BANP: variants seen among roughly 807,000 people sequenced by gnomAD.
BANP encodes protein BANP.
A neutral mutation model predicts 68.1 loss-of-function variants in BANP; 11 were observed. That is an observed-to-expected ratio of 0.16 (90% confidence interval 0.10 to 0.27). BANP has a LOEUF of 0.27. BANP is among the 10% of genes least tolerant of loss of function. The pLI is 1.00. For missense variants in BANP, 504 were observed against 722.7 expected (o/e 0.70, Z 3.47); for synonymous variants, 329 against 303.2 (o/e 1.09, Z -0.88).
chr16:88,023,822 C>T (rs1030404010), intron 7 of BANP, among the ~76,000 whole-genome samples: 4 of 152,176 alleles, frequency 2.6e-5, no homozygotes, highest in African/African-American at 7.2e-5. Context: ...CAGAACAGCT[C>T]GCCAGGAAAA....
chr16:87,968,359 C>G (rs1327734483), intron 1 of BANP, among the ~76,000 whole-genome samples: 2 of 151,826 alleles, frequency 1.3e-5, no homozygotes, highest in Non-Finnish European at 2.9e-5. Flanking sequence ...TGGTGTGCAC[C>G]TGTAGTCTTA....
At chr16:88,063,783 G>A (rs2087620063) in intron 11 of BANP, among the ~76,000 whole-genome samples, 1 of 152,156 alleles carries the variant, frequency 6.6e-6, no homozygotes, top group Non-Finnish European at 1.5e-5. Context: ...CATGATCTGT[G>A]CAGCTCATTA....
chr16:88,061,431 C>T (rs975140999), intron 11 of BANP, among the ~76,000 whole-genome samples: 11 of 152,202 alleles, frequency 7.2e-5, no homozygotes, highest in East Asian at 1.9e-4. Context: ...CATTTGCCTG[C>T]GCTGGCCTGC....
chr16:88,039,866 T>A (rs2080308268), intron 11 of BANP, among the ~76,000 whole-genome samples: 1 of 152,188 alleles, frequency 6.6e-6, no homozygotes, highest in Non-Finnish European at 1.5e-5. Context: ...GGGTCGCAAC[T>A]GCTGCTCATT....
intron 7 of BANP, among the ~76,000 whole-genome samples, chr16:88,027,253 C>A (rs1295612825): frequency 1.3e-5 from 2 of 152,042 alleles, no homozygotes; most frequent in Non-Finnish European, 2.9e-5. Flanking sequence ...AAGAGTGTGT[C>A]ATGACACCTT....
At position 87,957,002 on chromosome 16, in the gene BANP, C is replaced by G. The variant is rs2058189072; in HGVS notation, c.-69+5487C>G. 6.6e-6 allele frequency: 1 copy of G among 152,242 alleles called. No individual in the cohort carries two copies. The highest frequency in any genetic ancestry group is 1.5e-5 in the Non-Finnish European group (1 of 68,066). The allele number at this position is 152,242 out of a possible 1,614,324, so 9.4% of individuals were successfully genotyped here. On this transcript the variant is annotated intron_variant, in intron 1 of 13. Transcript: ENST00000682872. The surrounding 1 kb of genome is among the most constrained non-coding windows in gnomAD (Gnocchi z 4.3). ...TAAAATGTGCAGGAAGTGTTAACTC[C>G]TAAGCTGCCAGCAGATGGTGTGCCG... is the stretch of plus-strand genomic sequence containing the variant.
chr16:88,061,643 C>T (rs374758910), intron 11 of BANP, among the ~76,000 whole-genome samples: 16 of 151,816 alleles, frequency 1.1e-4, no homozygotes, highest in Non-Finnish European at 2.9e-5. Flanking sequence ...GGATGAGCCT[C>T]TTTCTCTGAG....
At chr16:88,067,050 A>G (rs2088849766) in intron 12 of BANP, among the ~76,000 whole-genome samples, 1 of 152,094 alleles carries the variant, frequency 6.6e-6, no homozygotes, top group African/African-American at 2.4e-5. Flanking sequence ...AGTTATAGGA[A>G]TGCACACTCG....
chr16:87,963,981 C>T (rs916613621), intron 1 of BANP, among the ~76,000 whole-genome samples: 3 of 152,234 alleles, frequency 2.0e-5, no homozygotes, highest in Admixed American at 1.3e-4. Context: ...TGCAGCTGTC[C>T]GTTTCTCCTG....
intron 6 of BANP, among the ~76,000 whole-genome samples, chr16:88,013,073 C>A (rs1462308029): frequency 6.6e-6 from 1 of 152,184 alleles, no homozygotes; most frequent in Non-Finnish European, 1.5e-5. Context: ...CTTTGAGGAT[C>A]GGCAGCTTTC....
chr16:88,037,625 C>T (rs1398198059), intron 10 of BANP: 2 of 306,384 alleles, frequency 6.5e-6, no homozygotes. Flanking sequence ...GGAAGCTGGG[C>T]GACACACACA....
chr16:87,971,275 C>T, intron 1 of BANP, among the ~76,000 whole-genome samples: 1 of 152,198 alleles, frequency 6.6e-6, no homozygotes, highest in East Asian at 1.9e-4. Flanking sequence ...TCCTCTGTCT[C>T]AGTCCTGCGT....
intron 4 of BANP, among the ~76,000 whole-genome samples, chr16:87,987,075 A>T: frequency 6.6e-6 from 1 of 152,156 alleles, no homozygotes; most frequent in Non-Finnish European, 1.5e-5. Context: ...AATTACAAGA[A>T]AATGTAAGAA....
rs2090439686 is a variant in BANP at position 88,071,919 on chromosome 16, CAG to C, written c.1378-147_1378-146del. On this transcript the variant is annotated intron_variant, in intron 12 of 13. Transcript: ENST00000682872. This position sits in a 1 kb window ranked among gnomAD's most constrained non-coding sequence, Gnocchi z 6.5. ...AGCGATGGGGAGACAGGATGTGCCG[CAG>C]AGTCCTCGGTGTGGCCCTGAGGCCG... The C allele has an allele frequency of 1.6e-5, 16 of 1,001,016 alleles. No individual in the cohort carries two copies. In the South Asian group the frequency reaches 2.1e-4, roughly 13 times the overall value. The allele number at this position is 1,001,016 out of a possible 1,614,324, so 62.0% of individuals were successfully genotyped here. A position where few individuals can be genotyped will look rare whatever the true frequency, so the allele number is the denominator to read the frequency against.
intron 9 of BANP, among the ~76,000 whole-genome samples, chr16:88,034,067 C>G (rs1415300710): frequency 1.3e-5 from 2 of 152,134 alleles, no homozygotes; most frequent in Admixed American, 1.3e-4. Context: ...ACATGGTCCT[C>G]CACTATTGAG....
chr16:88,052,867 A>G (rs948469154), intron 11 of BANP, among the ~76,000 whole-genome samples: 8 of 151,180 alleles, frequency 5.3e-5, no homozygotes, highest in South Asian at 2.1e-4. Flanking sequence ...CACCCTAACA[A>G]TCACTACCAC....
At position 88,064,588 on chromosome 16, in the gene BANP, G is replaced by A. The variant is rs1471625174; in HGVS notation, c.1312-679G>A. On this transcript the variant is annotated intron_variant, in intron 11 of 13. Coordinates refer to ENST00000682872, the MANE Select transcript of BANP (RefSeq NM_001386991.1). This position sits in a 1 kb window ranked among gnomAD's most constrained non-coding sequence, Gnocchi z 4.5. Reference sequence around the variant, plus strand: ...AGGAGAGGGCATCGCCAGGCTGGGCGCCTGTGTGGCACCACGTGGCACTCC... The same window carrying A: ...AGGAGAGGGCATCGCCAGGCTGGGCACCTGTGTGGCACCACGTGGCACTCC... 1.3e-5 allele frequency among the ~76,000 whole-genome samples: 2 copies of A among 152,258 alleles called. No homozygotes were observed. The highest frequency in any genetic ancestry group is 2.1e-4 in the South Asian group (1 of 4,838).
chr16:88,023,292 A>C (rs2152695009), intron 7 of BANP, among the ~76,000 whole-genome samples: 1 of 152,224 alleles, frequency 6.6e-6, no homozygotes, highest in Non-Finnish European at 1.5e-5. Context: ...CTCTCTGGCT[A>C]ACAGACTGAG....
At chr16:88,020,839 C>T (rs988714272) in intron 7 of BANP, among the ~76,000 whole-genome samples, 2 of 152,182 alleles carry the variant, frequency 1.3e-5, no homozygotes, top group African/African-American at 2.4e-5. Flanking sequence ...GCATTGGCTG[C>T]AATTCTTTTA....
Sources: allele counts gnomAD v4.1 joint callset (sites outside exome capture counted in the v4.1 genomes callset), GRCh38; gene constraint gnomAD v4.1.1; non-coding constraint Gnocchi (gnomAD v3.1); transcripts MANE v1.5; gene names NCBI Gene and HGNC (gene_info 2026-07-23, HGNC 2026-07-21).